The following DLG2 variants were observed in gnomAD, a reference collection of about 807,000 sequenced individuals.
DLG2 encodes disks large homolog 2.
In DLG2, 45 loss-of-function variants were observed where a neutral mutation model predicts 132.5. That is an observed-to-expected ratio of 0.34 (90% CI 0.27 to 0.44). The LOEUF (loss-of-function observed/expected upper bound fraction) is 0.44, where lower values mean the gene tolerates loss of function less well. Among genes scored for constraint, DLG2 ranks in the 20% least tolerant of loss-of-function variants. The pLI, the probability that DLG2 is intolerant of heterozygous loss-of-function variation, is 1.00. For synonymous variants in DLG2, 424 were observed against 419.6 expected, an observed-to-expected ratio of 1.01 and a Z score of -0.13; for missense variants, 1,045 against 1,196.9, an observed-to-expected ratio of 0.87 and a Z score of 1.87.
intron 19 of DLG2, among the ~76,000 whole-genome samples, chr11:83,622,378 C>T (rs776292139): frequency 6.6e-6 from 1 of 152,174 alleles, no homozygotes; most frequent in African/African-American, 2.4e-5. Flanking sequence ...GCTATGCTGG[C>T]TGTAGAATCT....
At chr11:84,936,553 T>C (rs1391810340) in intron 6 of DLG2, 1 of 152,106 alleles carries the variant, frequency 6.6e-6, no homozygotes, top group Non-Finnish European at 1.5e-5. Flanking sequence ...ATATGTGCAA[T>C]ATAATACAAT....
chr11:83,568,225 C>T (rs1270428856), intron 19 of DLG2, among the ~76,000 whole-genome samples: 2 of 152,020 alleles, frequency 1.3e-5, no homozygotes, highest in Non-Finnish European at 2.9e-5. Flanking sequence ...GCAGAGTCAA[C>T]AGAGTTAAGT....
At chr11:85,526,704 G>A (rs930316588) in intron 3 of DLG2, among the ~76,000 whole-genome samples, 1 of 152,130 alleles carries the variant, frequency 6.6e-6, no homozygotes, top group African/African-American at 2.4e-5. Context: ...ATGTGTCTGT[G>A]AGGATGTTTC....
At chr11:84,412,214 T>TTATGAGAATGTGATGATGATATCAGC (rs1228225150) in intron 7 of DLG2, among the ~76,000 whole-genome samples, 9 of 151,620 alleles carry the variant, frequency 5.9e-5, no homozygotes, top group African/African-American at 2.2e-4. Flanking sequence ...TTATAGTTCA[T>TTATGAGAATGTGATGATGATATCAGC]AAAAATGTTC....
At chr11:85,306,852 G>A (rs532644122) in intron 3 of DLG2, among the ~76,000 whole-genome samples, 4 of 152,314 alleles carry the variant, frequency 2.6e-5, no homozygotes, top group Admixed American at 6.5e-5. Context: ...GATTATAGGC[G>A]TGAGCCACCA....
At chr11:84,588,781 T>TG (rs1555071010) in intron 6 of DLG2, among the ~76,000 whole-genome samples, 1 of 114,816 alleles carries the variant, frequency 8.7e-6, no homozygotes, top group Non-Finnish European at 1.9e-5. Context: ...CTAGCATATG[T>TG]GAAAAAAAAA....
chr11:84,104,426 A>C (rs1366818471), intron 9 of DLG2, among the ~76,000 whole-genome samples: 2 of 152,228 alleles, frequency 1.3e-5, no homozygotes, highest in East Asian at 3.9e-4. Flanking sequence ...ATAAGAGGGA[A>C]GAAGGAAGGA....
intron 7 of DLG2, among the ~76,000 whole-genome samples, chr11:84,462,614 A>G (rs1246204307): frequency 6.6e-6 from 1 of 151,164 alleles, no homozygotes; most frequent in Non-Finnish European, 1.5e-5. Context: ...AGAGTAAAAT[A>G]TAAGTATTAA....
At chr11:84,422,152 A>G (rs1296040665) in intron 7 of DLG2, among the ~76,000 whole-genome samples, 1 of 152,234 alleles carries the variant, frequency 6.6e-6, no homozygotes. Context: ...AGATACTTAA[A>G]TGAGAATACA....
In DLG2 at chr11:84,518,117, T is replaced by C. The variant is rs2099279284; in HGVS notation, c.519+16453A>G. On this transcript the variant is annotated intron_variant, in intron 7 of 27. Coordinates refer to ENST00000376104, the MANE Select transcript of DLG2 (RefSeq NM_001142699.3). Reference sequence around the variant, plus strand: ...TTGAAAATACAAAAATTCAATAACATGTCTAACTTCAGTTAGACTTCAGCT... The same window carrying C: ...TTGAAAATACAAAAATTCAATAACACGTCTAACTTCAGTTAGACTTCAGCT... Among the ~76,000 whole-genome samples the C allele has an allele frequency of 2.2e-5, 2 of 89,974 alleles. 1 individual carries two copies. The highest frequency in any genetic ancestry group is 1.9e-4 in the Admixed American group (2 of 10,616). 59.0% of individuals were successfully genotyped at this position (89,974 alleles called of 152,430 possible).
At chr11:84,535,097 T>A (rs896197635) in intron 6 of DLG2, among the ~76,000 whole-genome samples, 1 of 152,210 alleles carries the variant, frequency 6.6e-6, no homozygotes, top group Non-Finnish European at 1.5e-5. Context: ...TTCTAGGTTA[T>A]GGATGGAGAA....
intron 4 of DLG2, among the ~76,000 whole-genome samples, chr11:85,239,310 A>C (rs2075757882): frequency 6.6e-6 from 1 of 152,096 alleles, no homozygotes; most frequent in African/African-American, 2.4e-5. Context: ...ATTTCTCTCA[A>C]CTGCAAATGG....
chr11:83,934,724 G>T (rs1565705532), intron 14 of DLG2, among the ~76,000 whole-genome samples: 1 of 152,052 alleles, frequency 6.6e-6, no homozygotes, highest in Non-Finnish European at 1.5e-5. Flanking sequence ...TCACCTCATT[G>T]CACTGTCTTT....
intron 4 of DLG2, among the ~76,000 whole-genome samples, chr11:85,223,259 A>G (rs2074770498): frequency 6.6e-6 from 1 of 152,166 alleles, no homozygotes; most frequent in Non-Finnish European, 1.5e-5. Flanking sequence ...CGCACCTGCA[A>G]TAGATTGGTC....
At chr11:84,380,458 T>G (rs2098745416) in intron 7 of DLG2, among the ~76,000 whole-genome samples, 1 of 152,022 alleles carries the variant, frequency 6.6e-6, no homozygotes, top group Non-Finnish European at 1.5e-5. Flanking sequence ...GAAATAGCTT[T>G]GAAAACATAT....
At chr11:84,845,914 C>G (rs1302376205) in intron 6 of DLG2, among the ~76,000 whole-genome samples, 4 of 151,828 alleles carry the variant, frequency 2.6e-5, no homozygotes, top group Non-Finnish European at 5.9e-5. Flanking sequence ...TCCTGATCCA[C>G]CTGCCTCAGC....
chr11:85,038,661 G>A (rs1296975253), intron 6 of DLG2, among the ~76,000 whole-genome samples: 1 of 152,006 alleles, frequency 6.6e-6, no homozygotes, highest in East Asian at 1.9e-4. Context: ...ACTTAAAATA[G>A]TTTTCTAATA....
chr11:84,408,802 G>T (rs1194547896), intron 7 of DLG2, among the ~76,000 whole-genome samples: 5 of 152,070 alleles, frequency 3.3e-5, no homozygotes, highest in African/African-American at 9.7e-5. Context: ...TCAATTTCAA[G>T]ACCTAAAACA....
chr11:83,946,586 C>T (rs918676649), intron 14 of DLG2, among the ~76,000 whole-genome samples: 12 of 151,648 alleles, frequency 7.9e-5, no homozygotes, highest in Middle Eastern at 3.4e-3. Context: ...TTAACTCTTT[C>T]GGTACTATAG....
Sources: gnomAD v4.1 joint callset for allele counts (sites outside exome capture counted in the v4.1 genomes callset) on GRCh38, gnomAD v4.1.1 for gene constraint, MANE v1.5 for transcripts, NCBI Gene and HGNC (gene_info 2026-07-23, HGNC 2026-07-21) for gene names.